Variants in KIAA0586 observed in about 807,000 individuals in gnomAD.
KIAA0586 encodes protein TALPID3.
In KIAA0586, 144 loss-of-function variants were observed where a neutral mutation model predicts 169.8. The observed-to-expected ratio is 0.85, with a 90% confidence interval of 0.74 to 0.97. The LOEUF is 0.97. Ranked by LOEUF, KIAA0586 falls within the 50% of genes least tolerant of loss-of-function variation. KIAA0586 has a pLI of 0.00. For missense variants in KIAA0586, 1,854 were observed against 1,823.0 expected (o/e 1.02, Z -0.31); for synonymous variants, 625 against 612.4 (o/e 1.02, Z -0.30).
At position 58,470,800 on chromosome 14, in the gene KIAA0586, C is replaced by G. The variant is rs150415170; in HGVS notation, c.2553+77C>G. On this transcript the variant is annotated intron_variant, in intron 17 of 30. Transcript: ENST00000652326. ...TTTAACTAATTACTCCATTTAAAGC[C>G]TTTTATCATAATGATAACTTATAAT... The G allele has an allele frequency of 3.0e-4, 207 of 684,788 alleles. 1 individual carries two copies. In the African/African-American group the frequency reaches 3.2e-3, roughly 11 times the overall value. The allele number at this position is 684,788 out of a possible 1,614,324, so 42.4% of individuals were successfully genotyped here. A position where few individuals can be genotyped will look rare whatever the true frequency, so the allele number is the denominator to read the frequency against.
intron 4 of KIAA0586, among the ~76,000 whole-genome samples, chr14:58,440,383 A>G (rs1467338221): frequency 6.6e-6 from 1 of 151,602 alleles, no homozygotes; most frequent in Non-Finnish European, 1.5e-5. Flanking sequence ...CCAGGCTGGA[A>G]TGCAATGGTG....
In KIAA0586 at chr14:58,550,366, A is replaced by G. The variant is rs150267723; in HGVS notation, c.*2434A>G. On this transcript the variant is annotated 3_prime_UTR_variant, in exon 31 of 31. Transcript: ENST00000652326. Reference sequence around the variant, plus strand: ...TACTCCTGTACACATTCCTCTGCCAACCACTTCAGATTCTTTTGGAATAAG... The same window carrying G: ...TACTCCTGTACACATTCCTCTGCCAGCCACTTCAGATTCTTTTGGAATAAG... 545 of 152,296 alleles carry G rather than the reference A, an allele frequency of 3.6e-3. 5 individuals are homozygous for G. The highest frequency in any genetic ancestry group is 6.6e-3 in the Non-Finnish European group (451 of 68,008). The allele number at this position is 152,296 out of a possible 1,614,324, so 9.4% of individuals were successfully genotyped here. A position where few individuals can be genotyped will look rare whatever the true frequency, so the allele number is the denominator to read the frequency against.
intron 29 of KIAA0586, among the ~76,000 whole-genome samples, chr14:58,533,545 C>T (rs1243240129): frequency 6.6e-6 from 1 of 152,118 alleles, no homozygotes; most frequent in Non-Finnish European, 1.5e-5. Flanking sequence ...GTTGAATGAG[C>T]CAATTGTTTT....
At chr14:58,487,214 A>C (rs921850048) in intron 22 of KIAA0586, 48 bp downstream of exon 22, 5 of 1,488,912 alleles carry the variant, frequency 3.4e-6, no homozygotes, top group Non-Finnish European at 4.6e-6. Context: ...GCAACTATTA[A>C]ATTTCATGAT....
intron 29 of KIAA0586, among the ~76,000 whole-genome samples, chr14:58,528,325 A>T (rs2045732982): frequency 6.6e-6 from 1 of 152,172 alleles, no homozygotes; most frequent in Non-Finnish European, 1.5e-5. Context: ...GATAATCAGG[A>T]CTTGAACTCA....
chr14:58,508,552 CAGGT>C lies in KIAA0586; in HGVS notation c.4169_4172del (p.Gly1390ValfsTer13). The stretch of plus-strand genomic sequence containing the variant: ...AACTTTTTATTTACATTTTTGATAA[CAGGT>C]AGTATTTATGAAGATTCATGTGCTA... On this transcript the variant is annotated splice_acceptor_variant and coding_sequence_variant, in exon 28 of 31. Coordinates refer to ENST00000652326, the MANE Select transcript of KIAA0586 (RefSeq NM_001329943.3). LOFTEE classifies it high-confidence loss of function. 1 of 1,560,628 alleles carries C rather than the reference CAGGT, an allele frequency of 6.4e-7. No homozygotes were observed. The highest frequency in any genetic ancestry group is 8.7e-7 in the Non-Finnish European group (1 of 1,152,178).
chr14:58,448,316 A>G, intron 6 of KIAA0586, 24 bp from the exon 7 acceptor site: 1 of 1,423,696 alleles, frequency 7.0e-7, no homozygotes, highest in Non-Finnish European at 9.6e-7. Context: ...TTTGAAAATA[A>G]TAAAATAATC....
chr14:58,472,146 T>C (rs2041268085), intron 17 of KIAA0586, 53 bp from the exon 18 acceptor site: 2 of 897,604 alleles, frequency 2.2e-6, no homozygotes, highest in South Asian at 3.6e-5. Context: ...AAATTACTTA[T>C]AAATTTTAAA....
intron 29 of KIAA0586, among the ~76,000 whole-genome samples, chr14:58,525,841 C>A (rs896174706): frequency 6.6e-6 from 1 of 152,216 alleles, no homozygotes; most frequent in East Asian, 1.9e-4. Flanking sequence ...GCACAGCAGT[C>A]TGAAGTCGAC....
chr14:58,507,433 A>G (rs1222459557), intron 27 of KIAA0586, among the ~76,000 whole-genome samples: 2 of 149,450 alleles, frequency 1.3e-5, no homozygotes, highest in Non-Finnish European at 3.0e-5. Context: ...CTTAATTTGC[A>G]TATAACTCTT....
chr14:58,531,032 C>T (rs868518895), intron 29 of KIAA0586, among the ~76,000 whole-genome samples: 16 of 151,844 alleles, frequency 1.1e-4, no homozygotes, highest in Admixed American at 3.3e-4. Context: ...GCAAAGGGGC[C>T]GGGTGCAGTG....
chr14:58,523,840 A>C (rs2045389977), intron 29 of KIAA0586, among the ~76,000 whole-genome samples: 1 of 151,978 alleles, frequency 6.6e-6, no homozygotes. Flanking sequence ...CTGGGATTAC[A>C]GGCATGAGCC....
At chr14:58,562,010 G>A in the KIAA0586 span, among the ~76,000 whole-genome samples, 124 of 152,288 alleles carry the variant, frequency 8.1e-4, 1 homozygote, top group Admixed American at 6.0e-3. Context: ...ACAAAGTCAC[G>A]TGTCTCCTTT....
rs752924857 is a variant in KIAA0586 at position 58,546,132 on chromosome 14, A to ATATT, written c.4496-1648_4496-1645dup. Among the ~76,000 whole-genome samples, 4 of 152,316 alleles carry ATATT rather than the reference A, an allele frequency of 2.6e-5. 1 individual carries two copies. On this transcript the variant is annotated intron_variant, in intron 30 of 30. Coordinates refer to ENST00000652326, the MANE Select transcript of KIAA0586 (RefSeq NM_001329943.3). ...AGACTAAAATCTTTTCCTATTTGAA[A>ATATT]TATTCTATTTAAATTCACATAAAAC...
chr14:58,457,912 G>A lies in KIAA0586; in HGVS notation c.1516G>A (p.Glu506Lys), dbSNP rs746704306. 3.7e-6 allele frequency: 6 copies of A among 1,605,880 alleles called. No homozygotes were observed. Among genetic ancestry groups the A allele is most frequent in the Non-Finnish European group, 5.1e-6 (6 of 1,175,788 alleles). ...TAAAAAAGTACTTGAAGAAAACCTGGAAGCTATTATTCGTGCAAAAGATGG... is the reference window on the plus strand; with the variant it reads ...TAAAAAAGTACTTGAAGAAAACCTGAAAGCTATTATTCGTGCAAAAGATGG... Reference protein sequence around the residue: ...NNKKVLEENLEAIIRAKDGAA... With the variant: ...NNKKVLEENLKAIIRAKDGAA... Residue 506 changes from glutamate (E) to lysine (K), a missense_variant, in exon 11 of 31, where the codon GAA (glutamate) becomes AAA (lysine). Physicochemically the swap from Glu to Lys is moderately conservative, Grantham distance 56 (BLOSUM62 1). Transcript: ENST00000652326.
chr14:58,500,747 C>T (rs145750816), intron 27 of KIAA0586, among the ~76,000 whole-genome samples: 363 of 149,880 alleles, frequency 2.4e-3, no homozygotes, highest in African/African-American at 8.5e-3. Context: ...AAAAGAAACA[C>T]TAGACAGTAC....
chr14:58,507,638 G>C (rs1270973557), intron 27 of KIAA0586, among the ~76,000 whole-genome samples: 1 of 151,920 alleles, frequency 6.6e-6, no homozygotes, highest in Non-Finnish European at 1.5e-5. Flanking sequence ...TGATTGTAAA[G>C]TTCAAATGTA....
intron 19 of KIAA0586, among the ~76,000 whole-genome samples, chr14:58,475,259 CA>C (rs2041519468): frequency 6.6e-6 from 1 of 152,178 alleles, no homozygotes; most frequent in African/African-American, 2.4e-5. Context: ...CATTAGATTT[CA>C]TAGAAGCACA....
Position 58,428,458 on chromosome 14 carries a change from C to CA in KIAA0586, c.195dup (p.Arg66ThrfsTer10). 6.2e-7 allele frequency: 1 copy of CA among 1,607,674 alleles called. No individual in the cohort carries two copies. Among genetic ancestry groups the CA allele is most frequent in the South Asian group, 1.1e-5 (1 of 90,926 alleles). On this transcript the variant is annotated frameshift_variant, in exon 1 of 31. Transcript: ENST00000652326. LOFTEE classifies it high-confidence loss of function. Reference sequence around the variant, plus strand: ...ACGGGGACTAGTTTGAATGGAACATCACGTGGTATGTGATTCCATGTAGTT... The same window carrying CA: ...ACGGGGACTAGTTTGAATGGAACATCAACGTGGTATGTGATTCCATGTAGTT...
Sources: allele counts gnomAD v4.1 joint callset (sites outside exome capture counted in the v4.1 genomes callset), GRCh38; gene constraint gnomAD v4.1.1; transcripts MANE v1.5; gene names NCBI Gene and HGNC (gene_info 2026-07-23, HGNC 2026-07-21).